Variants in NDUFC2 observed in about 807,000 individuals in gnomAD.
The protein encoded by NDUFC2 is NADH:ubiquinone oxidoreductase subunit C2, also known as NADH dehydrogenase [ubiquinone] 1 subunit C2.
A neutral mutation model predicts 10.1 loss-of-function variants in NDUFC2; 2 were observed. That is an observed-to-expected ratio of 0.20 (90% CI 0.08 to 0.62). NDUFC2 has a LOEUF of 0.62. NDUFC2 is among the 20% of genes least tolerant of loss of function. NDUFC2 has a pLI of 0.87. For missense variants in NDUFC2, 156 were observed against 159.6 expected, an observed-to-expected ratio of 0.98 and a Z score of 0.12; for synonymous variants, 61 against 63.6, an observed-to-expected ratio of 0.96 and a Z score of 0.20.
At position 78,078,728 on chromosome 11, in the gene NDUFC2, C is replaced by CTTTTTTTTTTTTTTTTTTTTTTTTTTTTT. The variant is rs71046953; in HGVS notation, c.166+850_166+851insAAAAAAAAAAAAAAAAAAAAAAAAAAAAA. 6.5e-4 allele frequency among the ~76,000 whole-genome samples: 40 copies of CTTTTTTTTTTTTTTTTTTTTTTTTTTTTT among 61,614 alleles called. 11 individuals carry two copies. Among genetic ancestry groups the CTTTTTTTTTTTTTTTTTTTTTTTTTTTTT allele is most frequent in the Admixed American group, 1.5e-3 (6 of 3,912 alleles). 40.4% of individuals were successfully genotyped at this position (61,614 alleles called of 152,430 possible). On this transcript the variant is annotated intron_variant, in intron 1 of 2. Transcript: ENST00000281031. ...CCCAGACCTCATGAATCAGGATCCG[C>CTTTTTTTTTTTTTTTTTTTTTTTTTTTTT]TTTTTTTTTTTTTTTGAGACAGGGT...
chr11:78,073,629 C>T (rs2136830056), intron 1 of NDUFC2, among the ~76,000 whole-genome samples: 1 of 151,944 alleles, frequency 6.6e-6, no homozygotes. Context: ...TGGTGAAACC[C>T]TGTCTCTACT....
In NDUFC2 at chr11:78,070,161, T is replaced by C. The variant is rs1858938850; in HGVS notation, c.311-125A>G. On this transcript the variant is annotated intron_variant, in intron 2 of 2. Transcript: ENST00000281031. ...TCCTGCTGTGGTCTGAATGTTCATG[T>C]CCCCCCAAAGTTCATAAATTGAAAT... The C allele has an allele frequency of 8.5e-6, 6 of 704,570 alleles. No homozygotes were observed. The East Asian group carries it at 1.4e-4, about 16-fold the overall frequency. The allele number at this position is 704,570 out of a possible 1,614,324, so 43.6% of individuals were successfully genotyped here. A position where few individuals can be genotyped will look rare whatever the true frequency, so the allele number is the denominator to read the frequency against.
At chr11:78,070,291 C>A (rs929569481) in intron 2 of NDUFC2, among the ~76,000 whole-genome samples, 1 of 152,064 alleles carries the variant, frequency 6.6e-6, no homozygotes, top group Non-Finnish European at 1.5e-5. Flanking sequence ...ACCTTGTTTG[C>A]CTCTTCTACC....
rs550877899 is a variant in NDUFC2, at chr11:78,068,414, T to C, written c.*1573A>G. On this transcript the variant is annotated 3_prime_UTR_variant, in exon 3 of 3. Coordinates refer to ENST00000281031, the MANE Select transcript of NDUFC2 (RefSeq NM_004549.6). ...ACCTAATTTCAGTTTTTACAATTGGTACTCAAGAAAATAGAGACAGAAATC... is the reference window on the plus strand; with the variant it reads ...ACCTAATTTCAGTTTTTACAATTGGCACTCAAGAAAATAGAGACAGAAATC... 1 of 152,348 alleles carries C rather than the reference T, an allele frequency of 6.6e-6. No homozygotes were observed. Among genetic ancestry groups the C allele is most frequent in the South Asian group, 2.1e-4 (1 of 4,832 alleles). The allele number at this position is 152,348 out of a possible 1,614,324, so 9.4% of individuals were successfully genotyped here. A position where few individuals can be genotyped will look rare whatever the true frequency, so the allele number is the denominator to read the frequency against.
intron 1 of NDUFC2, among the ~76,000 whole-genome samples, chr11:78,079,254 C>T (rs1859401389): frequency 6.6e-6 from 1 of 152,144 alleles, no homozygotes; most frequent in African/African-American, 2.4e-5. Context: ...ATCAATAATG[C>T]CCACAGTGTG....
At position 78,069,964 on chromosome 11, in the gene NDUFC2, CTG is replaced by C; in HGVS notation, c.*21_*22del. 3 of 1,612,828 alleles carry C rather than the reference CTG, an allele frequency of 1.9e-6. No homozygotes were observed. Among genetic ancestry groups the C allele is most frequent in the Non-Finnish European group, 2.5e-6 (3 of 1,179,468 alleles). On this transcript the variant is annotated 3_prime_UTR_variant, in exon 3 of 3. Transcript: ENST00000281031. ...TCAGAAACAGCAGGTATCAGTGAAA[CTG>C]GAGCAAGCATTTTGAAGACTTCAAC... is the stretch of plus-strand genomic sequence containing the variant.
intron 1 of NDUFC2, among the ~76,000 whole-genome samples, chr11:78,077,022 T>C (rs1383171939): frequency 1.3e-5 from 2 of 152,216 alleles, no homozygotes; most frequent in Non-Finnish European, 2.9e-5. Flanking sequence ...CCAGGCACAG[T>C]GGCTCACACC....
intron 2 of NDUFC2, 95 bp downstream of exon 2, chr11:78,072,903 T>C: frequency 5.3e-6 from 8 of 1,499,820 alleles, no homozygotes; most frequent in African/African-American, 1.4e-5. Flanking sequence ...GTCAACAGAA[T>C]TTAGAAGGTA....
rs562921454 is a variant in NDUFC2, at chr11:78,072,431, G to GC, written c.310+566dup. Among the ~76,000 whole-genome samples, 292 of 152,294 alleles carry GC rather than the reference G, an allele frequency of 1.9e-3. 2 individuals are homozygous for GC. The highest frequency in any genetic ancestry group is 6.8e-3 in the African/African-American group (283 of 41,560). On this transcript the variant is annotated intron_variant, in intron 2 of 2. Transcript: ENST00000281031. ...GACCTCAGGTGATCTGCCCCGCTCG[G>GC]CCCCCCAAAGTGCTGGGATTACAGG...
intron 2 of NDUFC2, among the ~76,000 whole-genome samples, chr11:78,071,011 C>T (rs766600693): frequency 2.6e-5 from 4 of 152,164 alleles, no homozygotes; most frequent in Non-Finnish European, 2.9e-5. Context: ...TAACATTTAA[C>T]GGTTCTGGGT....
In NDUFC2 at chr11:78,069,048, C is replaced by T. The variant is rs1475579496; in HGVS notation, c.*939G>A. 2 of 151,968 alleles carry T rather than the reference C, an allele frequency of 1.3e-5. No individual in the cohort carries two copies. The highest frequency in any genetic ancestry group is 2.9e-5 in the Non-Finnish European group (2 of 68,018). The allele number at this position is 151,968 out of a possible 1,614,324, so 9.4% of individuals were successfully genotyped here. ...GGATTGCAGGAACGTGCCACCACGC[C>T]CAGCTAATTTTTGTATTTTATGTAG... On this transcript the variant is annotated 3_prime_UTR_variant, in exon 3 of 3. Transcript: ENST00000281031.
chr11:78,072,458 G>A (rs1315029730), intron 2 of NDUFC2, among the ~76,000 whole-genome samples: 1 of 152,188 alleles, frequency 6.6e-6, no homozygotes, highest in Admixed American at 6.5e-5. Flanking sequence ...GATTACAGGC[G>A]TGAGCCACTG....
intron 2 of NDUFC2, 21 bp from the exon 3 acceptor site, chr11:78,070,057 A>G (rs762295750): frequency 6.8e-7 from 1 of 1,460,728 alleles, no homozygotes; most frequent in South Asian, 1.2e-5. Flanking sequence ...AAAGATCATA[A>G]AAGATTTATT....
chr11:78,070,476 A>G (rs374075909), intron 2 of NDUFC2, among the ~76,000 whole-genome samples: 1 of 152,196 alleles, frequency 6.6e-6, no homozygotes, highest in Non-Finnish European at 1.5e-5. Flanking sequence ...GGTAAGAAAA[A>G]CAAAGTTAAA....
At chr11:78,076,323 G>A (rs922113623) in intron 1 of NDUFC2, among the ~76,000 whole-genome samples, 1 of 152,062 alleles carries the variant, frequency 6.6e-6, no homozygotes, top group Non-Finnish European at 1.5e-5. Context: ...TGTATTTTTA[G>A]TAAAGACAGG....
chr11:78,078,726 C>T (rs1470805176), intron 1 of NDUFC2, among the ~76,000 whole-genome samples: 2 of 22,214 alleles, frequency 9.0e-5, no homozygotes, highest in African/African-American at 3.4e-4. Context: ...AATCAGGATC[C>T]GCTTTTTTTT....
chr11:78,072,693 G>T (rs1859059592), intron 2 of NDUFC2, among the ~76,000 whole-genome samples: 1 of 152,218 alleles, frequency 6.6e-6, no homozygotes, highest in Non-Finnish European at 1.5e-5. Context: ...GAAAGAGAAA[G>T]ACTTGATGAT....
chr11:78,069,622 C>T lies in NDUFC2; in HGVS notation c.*365G>A. On this transcript the variant is annotated 3_prime_UTR_variant, in exon 3 of 3. Transcript: ENST00000281031. The stretch of plus-strand genomic sequence containing the variant: ...GGCTTTGCAGGCCATAGGTCTCTAT[C>T]ACAACTACTCAATTCTGCTCTTGCA... 2.0e-6 allele frequency: 1 copy of T among 507,722 alleles called. No individual in the cohort carries two copies. Among genetic ancestry groups the T allele is most frequent in the Non-Finnish European group, 3.4e-6 (1 of 291,768 alleles). 31.5% of individuals were successfully genotyped at this position (507,722 alleles called of 1,614,324 possible). A position where few individuals can be genotyped will look rare whatever the true frequency, so the allele number is the denominator to read the frequency against.
At chr11:78,072,947 G>A (rs1038453036) in intron 2 of NDUFC2, 51 bp downstream of exon 2, 1 of 1,590,548 alleles carries the variant, frequency 6.3e-7, no homozygotes, top group Non-Finnish European at 8.5e-7. Flanking sequence ...GATTAACCAG[G>A]GAAAATAATA....
Sources: allele counts gnomAD v4.1 joint callset (sites outside exome capture counted in the v4.1 genomes callset), GRCh38; gene constraint gnomAD v4.1.1; transcripts MANE v1.5; gene names NCBI Gene and HGNC (gene_info 2026-07-23, HGNC 2026-07-21).